FBP1: variants seen among roughly 807,000 people sequenced by gnomAD.
FBP1 encodes the protein fructose-bisphosphatase 1.
A neutral mutation model predicts 29.9 loss-of-function variants in FBP1; 22 were observed. That is an observed-to-expected ratio of 0.74 (90% confidence interval 0.53 to 1.05). The LOEUF is 1.05. Among genes scored for constraint, FBP1 ranks in the 50% least tolerant of loss-of-function variants. The probability of loss-of-function intolerance (pLI) is 0.00; values close to 1 mark genes in which losing one functional copy is unlikely to be tolerated. For missense variants in FBP1, 345 were observed against 448.2 expected (o/e 0.77, Z 2.08); for synonymous variants, 175 against 178.6 (o/e 0.98, Z 0.16).
Position 94,609,981 on chromosome 9 carries a change from G to A in FBP1, c.507C>T (p.Gly169=), listed in dbSNP as rs900064121. 1.2e-6 allele frequency: 2 copies of A among 1,614,168 alleles called. No homozygotes were observed. The highest frequency in any genetic ancestry group is 1.7e-6 in the Non-Finnish European group (2 of 1,179,964). ...TGGCAAGGACCAGCATGGTGGCACTGCCATACAGTGCGTAGCCGGCTGCCA... is the reference window on the plus strand; with the variant it reads ...TGGCAAGGACCAGCATGGTGGCACTACCATACAGTGCGTAGCCGGCTGCCA... ...NLVAAGYALY[G]SATMLVLAMD... Residue 169 remains glycine, a synonymous_variant, in exon 4 of 7, where the codon GGC becomes GGT. Transcript: ENST00000375326.
intron 3 of FBP1, among the ~76,000 whole-genome samples, chr9:94,613,867 G>A (rs1827822799): frequency 6.6e-6 from 1 of 151,504 alleles, no homozygotes; most frequent in African/African-American, 2.4e-5. Context: ...CACGAGGTCA[G>A]GAGATTGCCA....
Position 94,614,907 on chromosome 9 carries a change from A to T in FBP1, c.426+2861T>A, listed in dbSNP as rs79274565. Among the ~76,000 whole-genome samples, 1,515 of 152,048 alleles carry T rather than the reference A, an allele frequency of 1.0e-2. 23 individuals carry two copies. The highest frequency in any genetic ancestry group is 0.031 in the African/African-American group (1,293 of 41,466). ...ATCACTTTCTTTTTATTAATTAATT[A>T]ATTTATTTATTTATTTTTTGAGACA... On this transcript the variant is annotated intron_variant, in intron 3 of 6. Transcript: ENST00000375326.
At chr9:94,630,791 T>A (rs1371808851) in intron 1 of FBP1, among the ~76,000 whole-genome samples, 1 of 151,982 alleles carries the variant, frequency 6.6e-6, no homozygotes, top group Non-Finnish European at 1.5e-5. Flanking sequence ...ACTGATGATG[T>A]GACATCAAGT....
intron 1 of FBP1, among the ~76,000 whole-genome samples, chr9:94,628,934 A>G (rs1828063888): frequency 6.6e-6 from 1 of 152,166 alleles, no homozygotes; most frequent in African/African-American, 2.4e-5. Flanking sequence ...AAACAAGTAT[A>G]TATTACATGC....
At chr9:94,608,381 T>G (rs60104491) in intron 4 of FBP1, among the ~76,000 whole-genome samples, 3,872 of 152,182 alleles carry the variant, frequency 0.025, 64 homozygotes, top group African/African-American at 0.033. Flanking sequence ...CAAAAGACTA[T>G]CAAACACACA....
At chr9:94,629,181 C>A (rs1828067136) in intron 1 of FBP1, among the ~76,000 whole-genome samples, 1 of 152,038 alleles carries the variant, frequency 6.6e-6, no homozygotes, top group Non-Finnish European at 1.5e-5. Context: ...AGGGTCTCAC[C>A]ATGTTGACCA....
chr9:94,628,030 G>A (rs1323359772), intron 1 of FBP1, among the ~76,000 whole-genome samples: 1 of 152,212 alleles, frequency 6.6e-6, no homozygotes, highest in African/African-American at 2.4e-5. Flanking sequence ...GCAGGGGCAG[G>A]AAGGGCAATT....
chr9:94,636,680 C>A lies in FBP1; in HGVS notation c.170+2461G>T, dbSNP rs80063627. Among the ~76,000 whole-genome samples, 244 of 151,926 alleles carry A rather than the reference C, an allele frequency of 1.6e-3. 1 individual carries two copies. Among genetic ancestry groups the A allele is most frequent in the African/African-American group, 5.7e-3 (235 of 41,374 alleles). On this transcript the variant is annotated intron_variant, in intron 1 of 6. Coordinates refer to ENST00000375326, the MANE Select transcript of FBP1 (RefSeq NM_000507.4). ...GACACATTTTTTAAACAATATCAGACATGACAAGCCCTTTTTTTTCTTTTT... is the reference window on the plus strand; with the variant it reads ...GACACATTTTTTAAACAATATCAGAAATGACAAGCCCTTTTTTTTCTTTTT...
At chr9:94,625,578 GAGGTC>G (rs1481613398) in intron 1 of FBP1, among the ~76,000 whole-genome samples, 3 of 152,152 alleles carry the variant, frequency 2.0e-5, no homozygotes, top group Non-Finnish European at 4.4e-5. Flanking sequence ...AGCGGATCAC[GAGGTC>G]AGGAGATCGA....
At position 94,604,061 on chromosome 9, in the gene FBP1, C is replaced by T. The variant is rs775629806; in HGVS notation, c.826-489G>A. On this transcript the variant is annotated intron_variant, in intron 6 of 6. Transcript: ENST00000375326. ...TGCAACTCTGTGTGCATTCCTTTTA[C>T]GATTCTCCGAAGGCTTTTGGGTTGG... 2.4e-4 allele frequency: 50 copies of T among 207,094 alleles called. No homozygotes were observed. In the East Asian group the frequency reaches 3.3e-3, roughly 14 times the overall value. The allele number at this position is 207,094 out of a possible 1,614,324, so 12.8% of individuals were successfully genotyped here.
chr9:94,613,274 A>C (rs892362208), intron 3 of FBP1, among the ~76,000 whole-genome samples: 19 of 152,348 alleles, frequency 1.2e-4, no homozygotes, highest in Admixed American at 1.2e-3. Context: ...TTCAGCTTAA[A>C]GGGAAAAAAA....
chr9:94,605,363 T>C (rs1010999681), intron 6 of FBP1, 94 bp downstream of exon 6: 1 of 1,365,042 alleles, frequency 7.3e-7, no homozygotes, highest in African/African-American at 1.4e-5. Context: ...GCATGGAGCG[T>C]AATAGCTAGC....
At chr9:94,606,697 G>T in intron 5 of FBP1, 118 bp downstream of exon 5, 1 of 1,011,248 alleles carries the variant, frequency 9.9e-7, no homozygotes, top group Non-Finnish European at 1.5e-6. Context: ...CCCACATGAG[G>T]CCCAAGGCCC....
chr9:94,628,182 T>A (rs1219707812), intron 1 of FBP1, among the ~76,000 whole-genome samples: 2 of 151,936 alleles, frequency 1.3e-5, no homozygotes. Flanking sequence ...AGGACAGGAG[T>A]TCGAGACCAG....
At chr9:94,615,302 T>C (rs528154831) in intron 3 of FBP1, among the ~76,000 whole-genome samples, 3 of 152,308 alleles carry the variant, frequency 2.0e-5, no homozygotes, top group Admixed American at 1.3e-4. Context: ...TTCAAGCTGC[T>C]GTTGCAAGCT....
At chr9:94,622,293 C>T (rs1011226119) in intron 1 of FBP1, among the ~76,000 whole-genome samples, 1 of 152,202 alleles carries the variant, frequency 6.6e-6, no homozygotes, top group Non-Finnish European at 1.5e-5. Flanking sequence ...CAGAGCAAGG[C>T]GAGAGCCTTG....
chr9:94,631,668 C>T (rs146217120), intron 1 of FBP1, among the ~76,000 whole-genome samples: 46 of 152,300 alleles, frequency 3.0e-4, no homozygotes, highest in Admixed American at 9.8e-4. Flanking sequence ...CTGAGTAACA[C>T]GATTGCAGCA....
In FBP1 at chr9:94,606,818, G is replaced by A; in HGVS notation, c.702C>T (p.Pro234=). ...CCCTCCCCGGGCCCTCACTTACTGG[G>A]GGGAACTTCTTCCTCTGGATGTACT... ...VTEYIQRKKF[P]PDNSAPYGAR... Residue 234 remains proline (P), a synonymous_variant, in exon 5 of 7, where the codon CCC becomes CCT. Coordinates refer to ENST00000375326, the MANE Select transcript of FBP1 (RefSeq NM_000507.4). The A allele has an allele frequency of 6.2e-7, 1 of 1,613,682 alleles. No homozygotes were observed. The highest frequency in any genetic ancestry group is 1.3e-5 in the African/African-American group (1 of 75,046).
chr9:94,637,642 C>T (rs896099499), intron 1 of FBP1, among the ~76,000 whole-genome samples: 6 of 152,046 alleles, frequency 3.9e-5, no homozygotes, highest in South Asian at 2.1e-4. Flanking sequence ...CCACCTGTTT[C>T]GGCCTCCCAA....
Sources: allele counts gnomAD v4.1 joint callset (sites outside exome capture counted in the v4.1 genomes callset), GRCh38; gene constraint gnomAD v4.1.1; transcripts MANE v1.5; gene names NCBI Gene and HGNC (gene_info 2026-07-23, HGNC 2026-07-21).